The following IQGAP2 variants were observed in gnomAD, a reference collection of about 807,000 sequenced individuals.
IQGAP2 encodes the protein ras GTPase-activating-like protein IQGAP2.
Under a neutral mutation model 201.3 loss-of-function variants are expected in IQGAP2, and 173 were observed. The observed-to-expected ratio is 0.86, with a 90% CI of 0.76 to 0.98. The LOEUF (loss-of-function observed/expected upper bound fraction) is 0.98, where lower values mean the gene tolerates loss of function less well. Ranked by LOEUF, IQGAP2 falls within the 50% of genes least tolerant of loss-of-function variation. The pLI, the probability that IQGAP2 is intolerant of heterozygous loss-of-function variation, is 0.00. For missense variants in IQGAP2, 1,687 were observed against 1,864.8 expected (o/e 0.90, Z 1.76); for synonymous variants, 675 against 673.9 (o/e 1.00, Z -0.03).
rs189817189 is a variant in IQGAP2 at position 76,547,879 on chromosome 5, C to T, written c.147-14517C>T. 2.8e-3 allele frequency among the ~76,000 whole-genome samples: 432 copies of T among 152,292 alleles called. 5 individuals are homozygous for T. The highest frequency in any genetic ancestry group is 1.0e-2 in the African/African-American group (415 of 41,550). On this transcript the variant is annotated intron_variant, in intron 2 of 35. Coordinates refer to ENST00000274364, the MANE Select transcript of IQGAP2 (RefSeq NM_006633.5). ...GCCCTTTGGTCAGCTTATTTTCCTG[C>T]AGGGTGTCACATCCCACAGTAGTCT...
At chr5:76,620,581 A>T (rs1749553118) in intron 13 of IQGAP2, among the ~76,000 whole-genome samples, 1 of 152,172 alleles carries the variant, frequency 6.6e-6, no homozygotes, top group Non-Finnish European at 1.5e-5. Context: ...AACTGGTTAG[A>T]AGACTGGATG....
At chr5:76,482,185 G>T (rs929991615) in intron 2 of IQGAP2, among the ~76,000 whole-genome samples, 1 of 152,160 alleles carries the variant, frequency 6.6e-6, no homozygotes, top group African/African-American at 2.4e-5. Context: ...TTTTCCCAGG[G>T]TGAGTGGATG....
At chr5:76,445,592 A>G (rs894236044) in intron 1 of IQGAP2, among the ~76,000 whole-genome samples, 1 of 151,700 alleles carries the variant, frequency 6.6e-6, no homozygotes, top group African/African-American at 2.4e-5. Context: ...AGCCTGCCGA[A>G]TAGCTGGGAT....
At chr5:76,457,501 G>A (rs931953575) in intron 1 of IQGAP2, among the ~76,000 whole-genome samples, 4 of 152,090 alleles carry the variant, frequency 2.6e-5, no homozygotes, top group African/African-American at 9.7e-5. Flanking sequence ...ATCACTTTGT[G>A]TTCCATCTCC....
At chr5:76,471,059 T>C (rs751624230) in intron 2 of IQGAP2, among the ~76,000 whole-genome samples, 1 of 152,228 alleles carries the variant, frequency 6.6e-6, no homozygotes, top group Non-Finnish European at 1.5e-5. Flanking sequence ...TTCAGTCTTT[T>C]AGTTTTTAGG....
At chr5:76,606,582 A>C (rs1272681173) in intron 12 of IQGAP2, 1 of 205,944 alleles carries the variant, frequency 4.9e-6, no homozygotes, top group African/African-American at 2.3e-5. Flanking sequence ...AGACAGCTAA[A>C]TACAGAGACA....
chr5:76,459,017 G>T (rs753134344), intron 1 of IQGAP2, among the ~76,000 whole-genome samples: 1 of 152,160 alleles, frequency 6.6e-6, no homozygotes, highest in Admixed American at 6.5e-5. Context: ...CAATCAGGAA[G>T]ACTTTGGGAA....
At chr5:76,583,444 T>C (rs1158562187) in intron 5 of IQGAP2, among the ~76,000 whole-genome samples, 2 of 151,944 alleles carry the variant, frequency 1.3e-5, no homozygotes, top group African/African-American at 4.8e-5. Flanking sequence ...CATCAATGAT[T>C]TAAAAAAAAA....
chr5:76,545,024 T>C (rs1045496409), intron 2 of IQGAP2, among the ~76,000 whole-genome samples: 7 of 151,776 alleles, frequency 4.6e-5, no homozygotes, highest in Non-Finnish European at 8.8e-5. Context: ...ACAGTACATA[T>C]ATACATATCT....
chr5:76,689,001 G>C (rs907590744), intron 30 of IQGAP2, among the ~76,000 whole-genome samples: 2 of 151,960 alleles, frequency 1.3e-5, no homozygotes, highest in African/African-American at 4.8e-5. Context: ...CAAGGTCATT[G>C]TTCTTTGCAT....
intron 1 of IQGAP2, among the ~76,000 whole-genome samples, chr5:76,406,923 G>A (rs562590327): frequency 2.4e-4 from 36 of 152,306 alleles, no homozygotes; most frequent in African/African-American, 8.7e-4. Context: ...TGCAACCTAA[G>A]TCCAGCATGT....
In IQGAP2 at chr5:76,686,296, GT is replaced by G. The variant is rs59286743; in HGVS notation, c.3905+2392del. 8.9e-3 allele frequency among the ~76,000 whole-genome samples: 1,154 copies of G among 130,212 alleles called. 4 individuals carry two copies. The highest frequency in any genetic ancestry group is 0.012 in the African/African-American group (429 of 35,528). The allele number at this position is 130,212 out of a possible 152,430, so 85.4% of individuals were successfully genotyped here. A position where few individuals can be genotyped will look rare whatever the true frequency, so the allele number is the denominator to read the frequency against. On this transcript the variant is annotated intron_variant, in intron 30 of 35. Transcript: ENST00000274364. ...TGATAATGTCCTTTTCCGCACAAAT[GT>G]TTTTTTTTTTTTATTTTGATGAAGT...
At chr5:76,675,960 A>G (rs1744771084) in intron 27 of IQGAP2, among the ~76,000 whole-genome samples, 4 of 152,064 alleles carry the variant, frequency 2.6e-5, no homozygotes, top group Admixed American at 2.6e-4. Context: ...AAGCACCTGT[A>G]GTCCCAGCTA....
chr5:76,415,057 A>G (rs775238755), intron 1 of IQGAP2, among the ~76,000 whole-genome samples: 2 of 152,252 alleles, frequency 1.3e-5, no homozygotes, highest in Non-Finnish European at 2.9e-5. Context: ...AGGTTATGCA[A>G]ATAATCTAGA....
intron 2 of IQGAP2, among the ~76,000 whole-genome samples, chr5:76,504,749 G>A (rs1757507411): frequency 6.6e-6 from 1 of 152,018 alleles, no homozygotes. Flanking sequence ...TGTGAAGGAC[G>A]CTCTCATCCA....
At position 76,627,401 on chromosome 5, in the gene IQGAP2, T is replaced by G; in HGVS notation, c.1522-9T>G. On this transcript the variant is annotated splice_polypyrimidine_tract_variant and intron_variant, in intron 13 of 35. Transcript: ENST00000274364. ...CTTCTTTCTTTTTATTCTGTGACAT[T>G]GTCCCCAGGACTCTGAGAGTGTTTC... 1 of 1,565,552 alleles carries G rather than the reference T, an allele frequency of 6.4e-7. No individual in the cohort carries two copies. Among genetic ancestry groups the G allele is most frequent in the Non-Finnish European group, 8.8e-7 (1 of 1,136,430 alleles).
At chr5:76,472,871 T>C (rs1418011448) in intron 2 of IQGAP2, among the ~76,000 whole-genome samples, 2 of 152,216 alleles carry the variant, frequency 1.3e-5, no homozygotes, top group African/African-American at 4.8e-5. Context: ...GTTTGGAATT[T>C]TCCATGGTTG....
At position 76,708,052 on chromosome 5, in the gene IQGAP2, A is replaced by G. The variant is rs540791501; in HGVS notation, c.*739A>G. On this transcript the variant is annotated 3_prime_UTR_variant, in exon 36 of 36. Transcript: ENST00000274364. ...TGCCTCTCAATTTTTTGTAATGCTA[A>G]AAAATCAGTATCTAGATGGTTTTTA... The G allele has an allele frequency of 2.0e-5, 3 of 152,774 alleles. No individual in the cohort carries two copies. The East Asian group carries it at 5.8e-4, about 29-fold the overall frequency. 9.5% of individuals were successfully genotyped at this position (152,774 alleles called of 1,614,324 possible).
At chr5:76,577,736 A>C (rs1158540494) in intron 5 of IQGAP2, among the ~76,000 whole-genome samples, 1 of 152,262 alleles carries the variant, frequency 6.6e-6, no homozygotes, top group Non-Finnish European at 1.5e-5. Context: ...GCTGAGGAAC[A>C]ATCCTCTAAT....
Sources: gnomAD v4.1 joint callset for allele counts (sites outside exome capture counted in the v4.1 genomes callset) on GRCh38, gnomAD v4.1.1 for gene constraint, MANE v1.5 for transcripts, NCBI Gene and HGNC (gene_info 2026-07-23, HGNC 2026-07-21) for gene names.